ZSCAN32: variants seen among roughly 807,000 people sequenced by gnomAD.
The protein encoded by ZSCAN32 is zinc finger and SCAN domain containing 32.
Under a neutral mutation model 47.4 loss-of-function variants are expected in ZSCAN32, and 52 were observed. That is an observed-to-expected ratio of 1.10 (90% CI 0.88 to 1.38). ZSCAN32 has a LOEUF of 1.38. Ranked by LOEUF, ZSCAN32 falls within the 40% of genes most tolerant of loss-of-function variation. ZSCAN32 has a pLI of 0.00. For synonymous variants in ZSCAN32, 346 were observed against 305.7 expected, an observed-to-expected ratio of 1.13 and a Z score of -1.38; for missense variants, 959 against 846.0, an observed-to-expected ratio of 1.13 and a Z score of -1.66.
At position 3,383,336 on chromosome 16, in the gene ZSCAN32, A is replaced by G; in HGVS notation, c.1610T>C (p.Val537Ala). 2 of 1,614,208 alleles carry G rather than the reference A, an allele frequency of 1.2e-6. No individual in the cohort carries two copies. The highest frequency in any genetic ancestry group is 1.7e-6 in the Non-Finnish European group (2 of 1,180,042). The change falls in exon 7 of 7, where the codon GTT becomes GCT. Residue 537 changes from valine to alanine, a missense_variant. Transcript: ENST00000396852. ...GKTFSRSSYLVRHQRIHTGEK... is the reference protein window; with the variant it reads ...GKTFSRSSYLARHQRIHTGEK... ...GCCTGTGTGGATTCTTTGATGCCGA[A>G]CAAGATAAGAACTTCGGCTAAAGGT...
chr16:3,388,986 AATT>A (rs1372376046), intron 5 of ZSCAN32, among the ~76,000 whole-genome samples: 3 of 152,252 alleles, frequency 2.0e-5, no homozygotes, highest in African/African-American at 7.2e-5. Flanking sequence ...TACAGTGGTT[AATT>A]TTATGTCATG....
intron 5 of ZSCAN32, among the ~76,000 whole-genome samples, chr16:3,385,470 G>C (rs1301743481): frequency 6.6e-6 from 1 of 152,166 alleles, no homozygotes; most frequent in Non-Finnish European, 1.5e-5. Flanking sequence ...AACCAAAAAA[G>C]AGCCCGCATT....
intron 3 of ZSCAN32, among the ~76,000 whole-genome samples, chr16:3,390,865 CAG>C (rs1388969841): frequency 6.6e-6 from 1 of 151,718 alleles, no homozygotes. Context: ...ATATACATGT[CAG>C]GGAAAAAAAG....
In ZSCAN32 at chr16:3,382,667, G is replaced by C. The variant is rs2031354959; in HGVS notation, c.*185C>G. Reference sequence around the variant, plus strand: ...TAAGTCACAGTAAGATAGGACTCTGGAGTCACAGGCACAGCCAGGAGAGGT... The same window carrying C: ...TAAGTCACAGTAAGATAGGACTCTGCAGTCACAGGCACAGCCAGGAGAGGT... On this transcript the variant is annotated 3_prime_UTR_variant, in exon 7 of 7. Transcript: ENST00000396852. The C allele has an allele frequency of 5.2e-6, 4 of 762,470 alleles. No individual in the cohort carries two copies. Among genetic ancestry groups the C allele is most frequent in the Non-Finnish European group, 7.7e-6 (4 of 520,336 alleles). 47.2% of individuals were successfully genotyped at this position (762,470 alleles called of 1,614,324 possible). A position where few individuals can be genotyped will look rare whatever the true frequency, so the allele number is the denominator to read the frequency against.
rs1393005935 is a variant in ZSCAN32, at chr16:3,382,294, T to A, written c.*558A>T. On this transcript the variant is annotated 3_prime_UTR_variant, in exon 7 of 7. Transcript: ENST00000396852. ...GTGCTTGCTCTAAGGTTAAGTCACT[T>A]AGGGAAACAGATTCAGTATTATCCA... The A allele has an allele frequency of 3.3e-5, 5 of 152,232 alleles. No individual in the cohort carries two copies. The highest frequency in any genetic ancestry group is 7.3e-5 in the Non-Finnish European group (5 of 68,066). 9.4% of individuals were successfully genotyped at this position (152,232 alleles called of 1,614,324 possible).
rs1260270866 is a variant in ZSCAN32, at chr16:3,390,424, T to C, written c.626A>G (p.Gln209Arg). 1 of 1,549,282 alleles carries C rather than the reference T, an allele frequency of 6.5e-7. No homozygotes were observed. Among genetic ancestry groups the C allele is most frequent in the East Asian group, 2.4e-5 (1 of 40,900 alleles). ...CAGAAGGCATCAACCACAGCTCACC[T>C]GGGACCCAGCTGTCCAGACCACAGC... is the stretch of plus-strand genomic sequence containing the variant. Reference protein sequence around the residue: ...TGAVVWTAGSQGPAMRDNRAV... With the variant: ...TGAVVWTAGSRGPAMRDNRAV... Residue 209 changes from glutamine (Q) to arginine (R), a missense_variant and splice_region_variant, in exon 4 of 7, where the codon CAG (glutamine) becomes CGG (arginine). By Grantham distance (43) the Gln-to-Arg change is conservative (BLOSUM62 1). Transcript: ENST00000396852.
chr16:3,399,184 T>C (rs1291713448), intron 1 of ZSCAN32, among the ~76,000 whole-genome samples: 3 of 152,050 alleles, frequency 2.0e-5, no homozygotes, highest in East Asian at 1.9e-4. Context: ...GATCACGCCA[T>C]TGCACTCCAG....
At chr16:3,399,494 G>A (rs975857143) in intron 1 of ZSCAN32, among the ~76,000 whole-genome samples, 1 of 152,088 alleles carries the variant, frequency 6.6e-6, no homozygotes, top group East Asian at 1.9e-4. Context: ...CTCAAGTCTT[G>A]ACAACATGTT....
intron 1 of ZSCAN32, among the ~76,000 whole-genome samples, chr16:3,400,465 G>A (rs2033787650): frequency 1.3e-5 from 2 of 152,182 alleles, no homozygotes; most frequent in African/African-American, 4.8e-5. Context: ...GACCCCTTTT[G>A]ACCCCTTACC....
chr16:3,385,482 C>T (rs1027632554), intron 5 of ZSCAN32, among the ~76,000 whole-genome samples: 1 of 152,192 alleles, frequency 6.6e-6, no homozygotes, highest in African/African-American at 2.4e-5. Flanking sequence ...GCCCGCATTG[C>T]CAAGTCAATC....
At chr16:3,389,915 C>T in intron 5 of ZSCAN32, 95 bp downstream of exon 5, 1 of 1,302,784 alleles carries the variant, frequency 7.7e-7, no homozygotes, top group Non-Finnish European at 1.0e-6. Context: ...CAACAGTCTC[C>T]CCACTCCCTC....
chr16:3,393,640 T>C lies in ZSCAN32; in HGVS notation c.532+9A>G, dbSNP rs1182543416. Reference sequence around the variant, plus strand: ...CCTGCCTCAGGTGAGGACAGAGGCTTCTGCTTACCTTCTGACTGTTCCCCT... The same window carrying C: ...CCTGCCTCAGGTGAGGACAGAGGCTCCTGCTTACCTTCTGACTGTTCCCCT... On this transcript the variant is annotated intron_variant, in intron 3 of 6. Transcript: ENST00000396852. 6.5e-7 allele frequency: 1 copy of C among 1,540,972 alleles called. No individual in the cohort carries two copies. Among genetic ancestry groups the C allele is most frequent in the South Asian group, 1.2e-5 (1 of 83,416 alleles).
chr16:3,398,736 T>C (rs760072197), intron 1 of ZSCAN32, among the ~76,000 whole-genome samples: 21 of 152,220 alleles, frequency 1.4e-4, no homozygotes, highest in Non-Finnish European at 2.6e-4. Flanking sequence ...TCAAGAAGCC[T>C]GAATTCATGT....
chr16:3,390,248 T>A, intron 4 of ZSCAN32, 115 bp from the exon 5 acceptor site: 1 of 1,457,486 alleles, frequency 6.9e-7, no homozygotes, highest in Non-Finnish European at 9.1e-7. Context: ...GCAGGGGAGG[T>A]CAGCTCCCAG....
chr16:3,397,265 C>T lies in ZSCAN32; in HGVS notation c.293G>A (p.Arg98Lys), dbSNP rs775442594. 8.9e-6 allele frequency: 14 copies of T among 1,568,870 alleles called. No individual in the cohort carries two copies. The highest frequency in any genetic ancestry group is 1.7e-4 in the Middle Eastern group (1 of 6,036). Residue 98 changes from arginine to lysine, a missense_variant, in exon 2 of 7, where the codon AGG becomes AAG. By Grantham distance (26) the Arg-to-Lys change is conservative (BLOSUM62 2). Transcript: ENST00000396852. ...CTCGCCGTTTTCTGGATGCTGCTCCCTCACCCAGGTCTGGATCTCCTCTGG... is the reference window on the plus strand; with the variant it reads ...CTCGCCGTTTTCTGGATGCTGCTCCTTCACCCAGGTCTGGATCTCCTCTGG... ...ILPEEIQTWV[R>K]EQHPENGEEA...
At chr16:3,389,988 T>C (rs761763719) in intron 5 of ZSCAN32, 22 bp downstream of exon 5, 4 of 1,595,464 alleles carry the variant, frequency 2.5e-6, no homozygotes, top group African/African-American at 1.3e-5. Flanking sequence ...CACCTTGACC[T>C]GGAGGGAAGA....
At chr16:3,383,982 A>G (rs2150868578) in intron 6 of ZSCAN32, 1 of 474,738 alleles carries the variant, frequency 2.1e-6, no homozygotes, top group Non-Finnish European at 3.7e-6. Context: ...GACATTAAGC[A>G]CTATATCATC....
intron 3 of ZSCAN32, among the ~76,000 whole-genome samples, chr16:3,390,831 A>T (rs1241343884): frequency 6.6e-6 from 1 of 151,378 alleles, no homozygotes; most frequent in Non-Finnish European, 1.5e-5. Flanking sequence ...AAGAGCTTTA[A>T]TTTTTTTTTC....
In ZSCAN32 at chr16:3,384,871, A is replaced by G. The variant is rs777828722; in HGVS notation, c.822T>C (p.Tyr274=). The G allele has an allele frequency of 2.5e-6, 4 of 1,614,172 alleles. No homozygotes were observed. Among genetic ancestry groups the G allele is most frequent in the Admixed American group, 1.7e-5 (1 of 60,020 alleles). The part of the protein sequence containing the change: ...LLAILSSSQF[Y]GKLQTCQQNS... ...TCTGCTGACAGGTCTGGAGTTTTCC[A>G]TAAAATTGAGAACTACTAAGAATAG... Residue 274 remains tyrosine, a synonymous_variant, in exon 6 of 7, where the codon TAT becomes TAC. Transcript: ENST00000396852.
Sources: allele counts gnomAD v4.1 joint callset (sites outside exome capture counted in the v4.1 genomes callset), GRCh38; gene constraint gnomAD v4.1.1; transcripts MANE v1.5; gene names NCBI Gene and HGNC (gene_info 2026-07-23, HGNC 2026-07-21).